VSTM2L: variants seen among roughly 807,000 people sequenced by gnomAD.
The protein encoded by VSTM2L is V-set and transmembrane domain containing 2 like.
Under a neutral mutation model 19.9 loss-of-function variants are expected in VSTM2L, and 9 were observed. That is an observed-to-expected ratio of 0.45 (90% CI 0.27 to 0.79). The LOEUF is 0.79. Ranked by LOEUF, VSTM2L falls within the 30% of genes least tolerant of loss-of-function variation. VSTM2L has a pLI of 0.15. For missense variants in VSTM2L, 286 were observed against 295.5 expected (o/e 0.97, Z 0.24); for synonymous variants, 127 against 133.8 (o/e 0.95, Z 0.35).
In VSTM2L at chr20:37,945,323, C is replaced by T; in HGVS notation, c.*1070C>T. 1.0e-6 allele frequency: 1 copy of T among 966,912 alleles called. No homozygotes were observed. The allele number at this position is 966,912 out of a possible 1,614,324, so 59.9% of individuals were successfully genotyped here. On this transcript the variant is annotated 3_prime_UTR_variant, in exon 4 of 4. Coordinates refer to ENST00000373461, the MANE Select transcript of VSTM2L (RefSeq NM_080607.3). ...CATGATCCAGTCTGTGACTACCAGC[C>T]AACCTGAATAAAGCGGTTTTAAAAA...
intron 1 of VSTM2L, among the ~76,000 whole-genome samples, chr20:37,907,685 C>A (rs945212418): frequency 2.0e-4 from 30 of 151,926 alleles, no homozygotes; most frequent in Admixed American, 3.3e-4. Flanking sequence ...ACACACACAC[C>A]CACACCCACC....
chr20:37,912,223 G>A (rs1051850993), intron 1 of VSTM2L, among the ~76,000 whole-genome samples: 2 of 152,210 alleles, frequency 1.3e-5, no homozygotes, highest in African/African-American at 4.8e-5. Context: ...CGTAGCCTGC[G>A]CATCTGTCTG....
Position 37,944,397 on chromosome 20 carries a change from A to G in VSTM2L, c.*144A>G. Reference sequence around the variant, plus strand: ...TGGCCACCATGTCGGCCCTCTTTCCACCACCCCTTGCTCAGCATGTAAGCC... The same window carrying G: ...TGGCCACCATGTCGGCCCTCTTTCCGCCACCCCTTGCTCAGCATGTAAGCC... On this transcript the variant is annotated 3_prime_UTR_variant, in exon 4 of 4. Transcript: ENST00000373461. The G allele has an allele frequency of 7.9e-7, 1 of 1,263,636 alleles. No individual in the cohort carries two copies. Among genetic ancestry groups the G allele is most frequent in the Non-Finnish European group, 1.0e-6 (1 of 976,964 alleles). The allele number at this position is 1,263,636 out of a possible 1,614,324, so 78.3% of individuals were successfully genotyped here.
At chr20:37,940,728 G>T (rs1184360965) in intron 3 of VSTM2L, among the ~76,000 whole-genome samples, 2 of 152,226 alleles carry the variant, frequency 1.3e-5, no homozygotes, top group Non-Finnish European at 2.9e-5. Context: ...GGTTAAATTG[G>T]CTCAACGTTC....
intron 2 of VSTM2L, 56 bp downstream of exon 2, chr20:37,931,860 T>C (rs995817924): frequency 6.4e-7 from 1 of 1,552,706 alleles, no homozygotes; most frequent in Non-Finnish European, 8.7e-7. Context: ...GTCCCTGGGG[T>C]AGGGGTATTT....
At chr20:37,933,840 A>C (rs1403835396) in intron 3 of VSTM2L, among the ~76,000 whole-genome samples, 1 of 152,226 alleles carries the variant, frequency 6.6e-6, no homozygotes, top group Non-Finnish European at 1.5e-5. Context: ...GGCTGTGTGC[A>C]TCCTGGTGCC....
At chr20:37,928,614 G>A (rs1258628583) in intron 1 of VSTM2L, among the ~76,000 whole-genome samples, 2 of 152,188 alleles carry the variant, frequency 1.3e-5, no homozygotes, top group Non-Finnish European at 2.9e-5. Context: ...AACTAGTTGG[G>A]CATGGTGGCT....
At chr20:37,922,570 C>T (rs982380742) in intron 1 of VSTM2L, among the ~76,000 whole-genome samples, 4 of 152,148 alleles carry the variant, frequency 2.6e-5, no homozygotes, top group African/African-American at 9.7e-5. Context: ...GCCCCTGCCA[C>T]CAGTCCCCAA....
intron 3 of VSTM2L, among the ~76,000 whole-genome samples, chr20:37,935,457 C>T (rs1346718842): frequency 6.6e-6 from 1 of 152,206 alleles, no homozygotes; most frequent in Admixed American, 6.5e-5. Context: ...CCAGCCTCAC[C>T]TCTTGCCTGA....
At chr20:37,919,289 C>T (rs1484945523) in intron 1 of VSTM2L, among the ~76,000 whole-genome samples, 2 of 152,220 alleles carry the variant, frequency 1.3e-5, no homozygotes, top group African/African-American at 4.8e-5. Context: ...CGTTTGTTTG[C>T]CTGTCCCAAG....
In VSTM2L at chr20:37,931,817, G is replaced by A. The variant is rs750900762; in HGVS notation, c.291+13G>A. ...GGCCTCGAACCAGGTAATGCCCCTG[G>A]GGAGATGCCCAAGCTGGGCTGGGGA... On this transcript the variant is annotated intron_variant, in intron 2 of 3. Transcript: ENST00000373461. The A allele has an allele frequency of 6.2e-7, 1 of 1,609,898 alleles. No individual in the cohort carries two copies. Among genetic ancestry groups the A allele is most frequent in the East Asian group, 2.2e-5 (1 of 44,756 alleles).
At chr20:37,926,551 A>G (rs1025240580) in intron 1 of VSTM2L, among the ~76,000 whole-genome samples, 2 of 152,182 alleles carry the variant, frequency 1.3e-5, no homozygotes, top group African/African-American at 4.8e-5. Context: ...AAAAAGAAAG[A>G]AAAAAGAGAA....
chr20:37,915,046 G>T (rs1439399249), intron 1 of VSTM2L, among the ~76,000 whole-genome samples: 2 of 152,252 alleles, frequency 1.3e-5, no homozygotes, highest in Non-Finnish European at 2.9e-5. Context: ...GCTGTTTGCC[G>T]CCTGTCGTCG....
intron 3 of VSTM2L, among the ~76,000 whole-genome samples, chr20:37,934,500 G>A (rs1414448513): frequency 2.0e-5 from 3 of 152,204 alleles, no homozygotes; most frequent in Non-Finnish European, 4.4e-5. Flanking sequence ...GGTGCCCGTG[G>A]GGGTATGAAT....
chr20:37,927,477 C>T (rs2072885029), intron 1 of VSTM2L, among the ~76,000 whole-genome samples: 2 of 152,156 alleles, frequency 1.3e-5, no homozygotes, highest in Admixed American at 6.5e-5. Context: ...TCTGGTGTCC[C>T]GGTGGAGAAG....
chr20:37,905,041 G>A (rs983417145), intron 1 of VSTM2L, among the ~76,000 whole-genome samples: 1 of 152,128 alleles, frequency 6.6e-6, no homozygotes, highest in East Asian at 1.9e-4. Context: ...AGTTGCCCAA[G>A]GTCACACAGT....
At position 37,915,514 on chromosome 20, in the gene VSTM2L, A is replaced by T. The variant is rs2122946960; in HGVS notation, c.121+12043A>T. 2.0e-5 allele frequency among the ~76,000 whole-genome samples: 3 copies of T among 152,102 alleles called. 1 individual carries two copies. In the Middle Eastern group the frequency reaches 0.01, roughly 517 times the overall value. ...GAGGAGGTGACAGGAGAGCAGCCTG[A>T]TCCTGTCCGGGAGCCCACTGTGTGC... On this transcript the variant is annotated intron_variant, in intron 1 of 3. Transcript: ENST00000373461.
At chr20:37,906,151 C>G (rs909307283) in intron 1 of VSTM2L, among the ~76,000 whole-genome samples, 1 of 151,968 alleles carries the variant, frequency 6.6e-6, no homozygotes, top group Non-Finnish European at 1.5e-5. Context: ...GAGCCCAGCC[C>G]GGCCGCCGGG....
chr20:37,943,918 C>CGA, intron 3 of VSTM2L, 63 bp from the exon 4 acceptor site: 1 of 871,872 alleles, frequency 1.1e-6, no homozygotes, highest in Non-Finnish European at 1.5e-6. Context: ...ACCCCCCCCC[C>CGA]CGACTCTTCT....
Sources: allele counts gnomAD v4.1 joint callset (sites outside exome capture counted in the v4.1 genomes callset), GRCh38; gene constraint gnomAD v4.1.1; transcripts MANE v1.5; gene names NCBI Gene and HGNC (gene_info 2026-07-23, HGNC 2026-07-21).